Variants in MDFIC2 observed in about 807,000 individuals in gnomAD.
The protein encoded by MDFIC2 is MyoD family inhibitor domain containing 2, also known as myoD family inhibitor domain-containing protein 2.
At chr3:70,281,928 T>C (rs1240575286) in intron 2 of MDFIC2, among the ~76,000 whole-genome samples, 1 of 152,178 alleles carries the variant, frequency 6.6e-6, no homozygotes, top group African/African-American at 2.4e-5. Context: ...TGGGTAATTT[T>C]TGATTGTACA....
At chr3:70,206,862 GAAATTTTCAC>G in intron 2 of MDFIC2, 72 bp from the exon 3 acceptor site, 1 of 396,146 alleles carries the variant, frequency 2.5e-6, no homozygotes, top group Admixed American at 4.4e-5. Flanking sequence ...TAAGAATGCA[GAAATTTTCAC>G]ATTTGACTTT....
intron 2 of MDFIC2, among the ~76,000 whole-genome samples, chr3:70,295,618 A>G (rs1702282613): frequency 6.6e-6 from 1 of 152,148 alleles, no homozygotes. Flanking sequence ...CTTGAGCCCA[A>G]GAGGTTGAGC....
chr3:70,302,678 A>G (rs1228693674), intron 2 of MDFIC2: 1 of 152,188 alleles, frequency 6.6e-6, no homozygotes, highest in South Asian at 2.1e-4. Flanking sequence ...TAAAACTGCA[A>G]TTAATAATGG....
chr3:70,201,245 T>A lies in MDFIC2; in HGVS notation c.311-4060A>T, dbSNP rs542997645. Among the ~76,000 whole-genome samples, 27 of 152,120 alleles carry A rather than the reference T, an allele frequency of 1.8e-4. No individual in the cohort carries two copies. The Middle Eastern group carries it at 0.01, about 57-fold the overall frequency. ...CCATTGTGTGTCGTTCCCCTCTCTG[T>A]GTTTATGTGTTCTCATCATTTAGCT... On this transcript the variant is annotated intron_variant, in intron 3 of 3. Transcript: ENST00000567252.
intron 2 of MDFIC2, among the ~76,000 whole-genome samples, chr3:70,222,320 C>T (rs1179052902): frequency 1.3e-5 from 2 of 152,182 alleles, no homozygotes; most frequent in Non-Finnish European, 2.9e-5. Flanking sequence ...TCTGTGTTAC[C>T]ATGAAGATAA....
intron 2 of MDFIC2, among the ~76,000 whole-genome samples, chr3:70,254,320 A>T (rs967496055): frequency 7.2e-5 from 11 of 152,198 alleles, no homozygotes; most frequent in Admixed American, 5.2e-4. Flanking sequence ...AACCCCAAAC[A>T]TTCTAAAATT....
At chr3:70,260,758 C>T (rs977895293) in intron 2 of MDFIC2, among the ~76,000 whole-genome samples, 14 of 152,004 alleles carry the variant, frequency 9.2e-5, no homozygotes, top group Admixed American at 7.2e-4. Flanking sequence ...TGGTAATGAA[C>T]TCACTTCTCA....
rs559753420 is a variant in MDFIC2, at chr3:70,195,082, A to G, written c.*1844T>C. Among the ~76,000 whole-genome samples, 13 of 152,340 alleles carry G rather than the reference A, an allele frequency of 8.5e-5. 1 individual carries two copies. In the South Asian group the frequency reaches 1.7e-3, roughly 19 times the overall value. ...GTCAGAAAATTAGAACCCAAGTTAGAGTTCCTGACACTGCCAATAATTCAC... is the reference window on the plus strand; with the variant it reads ...GTCAGAAAATTAGAACCCAAGTTAGGGTTCCTGACACTGCCAATAATTCAC... On this transcript the variant is annotated 3_prime_UTR_variant, in exon 4 of 4. Coordinates refer to ENST00000567252, the MANE Select transcript of MDFIC2 (RefSeq NM_001364677.1).
At chr3:70,299,497 T>C (rs921322555) in intron 2 of MDFIC2, among the ~76,000 whole-genome samples, 10 of 152,258 alleles carry the variant, frequency 6.6e-5, no homozygotes, top group Non-Finnish European at 1.0e-4. Context: ...AAAATTCCCA[T>C]TGAATCCAGA....
intron 2 of MDFIC2, among the ~76,000 whole-genome samples, chr3:70,290,645 G>T (rs1702226986): frequency 6.6e-6 from 1 of 152,188 alleles, no homozygotes; most frequent in Non-Finnish European, 1.5e-5. Context: ...AATGGCGGGC[G>T]CCCCTCCCCT....
At chr3:70,259,296 C>T (rs1429558841) in intron 2 of MDFIC2, among the ~76,000 whole-genome samples, 1 of 152,076 alleles carries the variant, frequency 6.6e-6, no homozygotes, top group Non-Finnish European at 1.5e-5. Context: ...GACATTTATC[C>T]ATTTAAAGAA....
intron 2 of MDFIC2, among the ~76,000 whole-genome samples, chr3:70,223,858 T>A (rs548364913): frequency 6.6e-6 from 1 of 152,120 alleles, no homozygotes; most frequent in Non-Finnish European, 1.5e-5. Flanking sequence ...AGACTTAATC[T>A]TTTTTCTCCC....
At chr3:70,214,554 C>T (rs1363670607) in intron 2 of MDFIC2, among the ~76,000 whole-genome samples, 1 of 150,472 alleles carries the variant, frequency 6.6e-6, no homozygotes, top group Non-Finnish European at 1.5e-5. Context: ...GCCCCCTCCC[C>T]AAGCTTCCCC....
chr3:70,221,431 A>G (rs1701459390), intron 2 of MDFIC2, among the ~76,000 whole-genome samples: 1 of 152,100 alleles, frequency 6.6e-6, no homozygotes, highest in South Asian at 2.1e-4. Context: ...TAAACTGGTA[A>G]AGATTAGGAG....
rs932920147 is a variant in MDFIC2 at position 70,196,371 on chromosome 3, T to G, written c.*555A>C. 3.3e-5 allele frequency among the ~76,000 whole-genome samples: 5 copies of G among 152,216 alleles called. No individual in the cohort carries two copies. Reference sequence around the variant, plus strand: ...TACAGGAACATGGTTTCTAATTCATTTAATTCCCTTTCCTACCTAAACTGT... The same window carrying G: ...TACAGGAACATGGTTTCTAATTCATGTAATTCCCTTTCCTACCTAAACTGT... On this transcript the variant is annotated 3_prime_UTR_variant, in exon 4 of 4. Transcript: ENST00000567252.
intron 2 of MDFIC2, among the ~76,000 whole-genome samples, chr3:70,276,079 T>C (rs1702022928): frequency 6.6e-6 from 1 of 152,130 alleles, no homozygotes; most frequent in Non-Finnish European, 1.5e-5. Flanking sequence ...CAAAATACAA[T>C]TATAATTAAG....
intron 2 of MDFIC2, among the ~76,000 whole-genome samples, chr3:70,225,836 GA>G (rs1172873965): frequency 6.6e-6 from 1 of 152,202 alleles, no homozygotes; most frequent in Non-Finnish European, 1.5e-5. Context: ...ATGTTATAAT[GA>G]GCTTTGTTTA....
At chr3:70,206,208 C>G (rs141168920) in intron 3 of MDFIC2, among the ~76,000 whole-genome samples, 3 of 151,944 alleles carry the variant, frequency 2.0e-5, no homozygotes, top group African/African-American at 7.2e-5. Flanking sequence ...TACTATTTCT[C>G]TCTGCCTTCT....
Position 70,264,962 on chromosome 3 carries a change from G to A in MDFIC2, c.88+46924C>T, listed in dbSNP as rs146248999. Among the ~76,000 whole-genome samples, 725 of 152,302 alleles carry A rather than the reference G, an allele frequency of 4.8e-3. 5 individuals are homozygous for A. The highest frequency in any genetic ancestry group is 0.017 in the African/African-American group (692 of 41,568). On this transcript the variant is annotated intron_variant, in intron 2 of 3. Coordinates refer to ENST00000567252, the MANE Select transcript of MDFIC2 (RefSeq NM_001364677.1). ...ACAATCATGGTGGAAGGTGAATGAG[G>A]AGCAAAGTCACATCTTACATGGTGG...
Sources: gnomAD v4.1 joint callset for allele counts (sites outside exome capture counted in the v4.1 genomes callset) on GRCh38, gnomAD v4.1.1 for gene constraint, MANE v1.5 for transcripts, NCBI Gene and HGNC (gene_info 2026-07-23, HGNC 2026-07-21) for gene names.